CHD2: variants seen among roughly 807,000 people sequenced by gnomAD.
CHD2 encodes chromodomain helicase DNA binding protein 2.
Under a neutral mutation model 243.9 loss-of-function variants are expected in CHD2, and 28 were observed. The ratio of observed to expected loss-of-function variants is 0.11; its 90% CI spans 0.09 to 0.16. The LOEUF is 0.16. Among genes scored for constraint, CHD2 ranks in the 10% least tolerant of loss-of-function variants. The probability of loss-of-function intolerance (pLI) is 1.00; values close to 1 mark genes in which losing one functional copy is unlikely to be tolerated. For missense variants in CHD2, 1,386 were observed against 2,209.8 expected, an observed-to-expected ratio of 0.63 and a Z score of 7.47; for synonymous variants, 775 against 779.0, an observed-to-expected ratio of 0.99 and a Z score of 0.09.
chr15:93,000,155 A>C (rs943849230), intron 31 of CHD2, among the ~76,000 whole-genome samples: 1 of 152,028 alleles, frequency 6.6e-6, no homozygotes, highest in East Asian at 1.9e-4. Flanking sequence ...CCACTTAGCT[A>C]CTCGAGAGGC....
At chr15:93,014,611 G>A in intron 36 of CHD2, 85 bp from the exon 37 acceptor site, 1 of 1,150,750 alleles carries the variant, frequency 8.7e-7, no homozygotes, top group Middle Eastern at 3.0e-4. Flanking sequence ...ACAAGAAGGA[G>A]CTGTTTAGAG....
In CHD2 at chr15:92,946,060, C is replaced by T; in HGVS notation, c.1221C>T (p.Pro407=). ...TAGCTCATAGTCGGAAGCCGGCACC[C>T]TCAAATGAGCCCGAATATCTATGTA... is the stretch of plus-strand genomic sequence containing the variant. The part of the protein sequence containing the change: ...DFPAHSRKPA[P]SNEPEYLCKW... The change falls in exon 12 of 39, where the codon CCC becomes CCT. Residue 407 remains proline (P), a synonymous_variant. Transcript: ENST00000394196. 6.3e-7 allele frequency: 1 copy of T among 1,595,830 alleles called. No individual in the cohort carries two copies. The highest frequency in any genetic ancestry group is 8.5e-7 in the Non-Finnish European group (1 of 1,169,648).
chr15:92,936,128 ATTG>A (rs759320513), intron 5 of CHD2, among the ~76,000 whole-genome samples: 3 of 152,114 alleles, frequency 2.0e-5, no homozygotes, highest in East Asian at 1.9e-4. Context: ...GAAGGCCTGA[ATTG>A]TTGTTTTTTC....
At chr15:92,993,132 C>T (rs1596444337) in intron 28 of CHD2, 134 bp downstream of exon 28, 1 of 883,908 alleles carries the variant, frequency 1.1e-6, no homozygotes. Flanking sequence ...TTCTGAGCTG[C>T]GTTTCTGTGA....
At position 92,998,018 on chromosome 15, in the gene CHD2, C is replaced by G. The variant is rs2054207982; in HGVS notation, c.3886-481C>G. 1 of 219,444 alleles carries G rather than the reference C, an allele frequency of 4.6e-6. No individual in the cohort carries two copies. The highest frequency in any genetic ancestry group is 7.8e-6 in the Non-Finnish European group (1 of 128,202). 13.6% of individuals were successfully genotyped at this position (219,444 alleles called of 1,614,324 possible). A position where few individuals can be genotyped will look rare whatever the true frequency, so the allele number is the denominator to read the frequency against. On this transcript the variant is annotated intron_variant, in intron 30 of 38. Transcript: ENST00000394196. This position sits in a 1 kb window ranked among gnomAD's most constrained non-coding sequence, Gnocchi z 5.1. ...GGGTGACAGCACCCTGCCTTAAGCA[C>G]TGAGACCAGATTCAGTCTGGCAAGA...
At chr15:92,946,468 G>T in intron 12 of CHD2, 1 of 304,010 alleles carries the variant, frequency 3.3e-6, no homozygotes, top group East Asian at 5.5e-5. Flanking sequence ...AAAGGATTTA[G>T]GCACTTTTAT....
intron 26 of CHD2, among the ~76,000 whole-genome samples, 165 bp downstream of exon 26, chr15:92,985,838 C>A (rs550350213): frequency 3.9e-5 from 6 of 152,176 alleles, no homozygotes; most frequent in Non-Finnish European, 7.3e-5. Context: ...ATCCTTCCTT[C>A]TCCAAGGTTT....
At chr15:92,985,805 T>G (rs1596438253) in intron 26 of CHD2, 132 bp downstream of exon 26, 1 of 821,864 alleles carries the variant, frequency 1.2e-6, no homozygotes, top group Non-Finnish European at 1.8e-6. Context: ...AGAAGCTGGG[T>G]CCTGTCCCAG....
At chr15:92,944,719 T>G (rs1465692742) in intron 10 of CHD2, 2 of 309,882 alleles carry the variant, frequency 6.5e-6, no homozygotes, top group Non-Finnish European at 1.2e-5. Flanking sequence ...CCTCAAGATT[T>G]GTGGCCTAAA....
At chr15:92,980,763 A>G (rs927768778) in intron 22 of CHD2, 52 bp from the exon 23 acceptor site, 2 of 1,260,620 alleles carry the variant, frequency 1.6e-6, no homozygotes, top group South Asian at 2.5e-5. Flanking sequence ...TCTGAAGTAG[A>G]ACACTTTAGA....
chr15:93,007,441 T>C, intron 34 of CHD2, among the ~76,000 whole-genome samples: 1 of 152,244 alleles, frequency 6.6e-6, no homozygotes, highest in Non-Finnish European at 1.5e-5. Context: ...TTATAGTCAT[T>C]ACAGGTGTCT....
chr15:92,941,287 T>C (rs1175225594), intron 7 of CHD2, among the ~76,000 whole-genome samples: 4 of 151,988 alleles, frequency 2.6e-5, no homozygotes, highest in Non-Finnish European at 5.9e-5. Flanking sequence ...CCTCCGCGCC[T>C]AGCCAATATG....
chr15:92,969,364 C>T (rs751336893), intron 17 of CHD2, among the ~76,000 whole-genome samples: 1 of 152,260 alleles, frequency 6.6e-6, no homozygotes, highest in African/African-American at 2.4e-5. Context: ...CAATCCCTGT[C>T]CTCAGGCATA....
chr15:92,958,903 C>T (rs1440811357), intron 16 of CHD2, among the ~76,000 whole-genome samples: 1 of 152,176 alleles, frequency 6.6e-6, no homozygotes, highest in Non-Finnish European at 1.5e-5. Flanking sequence ...GTGTGATGTT[C>T]TGTAGGTTAA....
At chr15:92,962,331 G>A (rs1011148119) in intron 16 of CHD2, among the ~76,000 whole-genome samples, 12 of 151,866 alleles carry the variant, frequency 7.9e-5, no homozygotes, top group Admixed American at 3.9e-4. Flanking sequence ...TTACTTCTAT[G>A]CACTGCTTTA....
chr15:92,970,912 A>G (rs1440327818), intron 17 of CHD2, among the ~76,000 whole-genome samples: 1 of 152,158 alleles, frequency 6.6e-6, no homozygotes, highest in Non-Finnish European at 1.5e-5. Flanking sequence ...ACTATTTTGG[A>G]GTTTGTGGTT....
At chr15:92,921,407 G>A (rs937239503) in intron 2 of CHD2, 4 of 152,180 alleles carry the variant, frequency 2.6e-5, no homozygotes, top group African/African-American at 9.7e-5. Context: ...CCGGATGCCT[G>A]GGAGGTGAAC....
intron 16 of CHD2, among the ~76,000 whole-genome samples, chr15:92,962,556 C>G (rs189874371): frequency 2.6e-5 from 4 of 152,182 alleles, no homozygotes; most frequent in Non-Finnish European, 4.4e-5. Context: ...ATTAAATAGT[C>G]TTAGTATGCT....
At chr15:93,009,387 C>T in intron 35 of CHD2, 64 bp downstream of exon 35, 1 of 1,498,158 alleles carries the variant, frequency 6.7e-7, no homozygotes, top group East Asian at 2.3e-5. Context: ...ATTCTGTTTT[C>T]TTTTAATAAA....
Sources: gnomAD v4.1 joint callset for allele counts (sites outside exome capture counted in the v4.1 genomes callset) on GRCh38, gnomAD v4.1.1 for gene constraint, Gnocchi (gnomAD v3.1) non-coding constraint, MANE v1.5 for transcripts, NCBI Gene and HGNC (gene_info 2026-07-23, HGNC 2026-07-21) for gene names.